The following SLC34A2 variants were observed in gnomAD, a reference collection of about 807,000 sequenced individuals.
SLC34A2 encodes solute carrier family 34 member 2.
A neutral mutation model predicts 50.8 loss-of-function variants in SLC34A2; 41 were observed. The ratio of observed to expected loss-of-function variants is 0.81; its 90% CI spans 0.63 to 1.05. The LOEUF is 1.05. Ranked by LOEUF, SLC34A2 falls within the 50% of genes least tolerant of loss-of-function variation. The pLI is 0.00. For missense variants in SLC34A2, 879 were observed against 876.7 expected, an observed-to-expected ratio of 1.00 and a Z score of -0.03; for synonymous variants, 401 against 364.2, an observed-to-expected ratio of 1.10 and a Z score of -1.15.
rs775671016 is a variant in SLC34A2 at position 25,667,975 on chromosome 4, C to T, written c.619C>T (p.Arg207Trp). 5.0e-6 allele frequency: 8 copies of T among 1,610,956 alleles called. No individual in the cohort carries two copies. Among genetic ancestry groups the T allele is most frequent in the East Asian group, 4.5e-5 (2 of 44,870 alleles). ...TGTTGCGCTCATGCAGGTGGGAGAT[C>T]GGAGTGAGTTCAGAAGGTAAGAGGC... Reference protein sequence around the residue: ...TIVALMQVGDRSEFRRAFAGA... With the variant: ...TIVALMQVGDWSEFRRAFAGA... The change falls in exon 6 of 13, where the codon CGG (arginine) becomes TGG (tryptophan). Residue 207 changes from arginine to tryptophan, a missense_variant. By Grantham distance (101) the Arg-to-Trp change is moderately radical (BLOSUM62 -3). Transcript: ENST00000382051.
In SLC34A2 at chr4:25,669,795, G is replaced by A; in HGVS notation, c.784G>A (p.Asp262Asn). 1 of 1,614,122 alleles carries A rather than the reference G, an allele frequency of 6.2e-7. No individual in the cohort carries two copies. Among genetic ancestry groups the A allele is most frequent in the Non-Finnish European group, 8.5e-7 (1 of 1,179,964 alleles). The part of the protein sequence containing the change: ...FHFKNGEDAP[D>N]LLKVITKPFT... ...CTTCAAGAATGGAGAAGATGCCCCA[G>A]ATCTTCTGAAAGTCATCACTAAGCC... Residue 262 changes from aspartate to asparagine, a missense_variant, in exon 7 of 13, where the codon GAT becomes AAT. Coordinates refer to ENST00000382051, the MANE Select transcript of SLC34A2 (RefSeq NM_006424.3).
rs1045107363 is a variant in SLC34A2 at position 25,666,159 on chromosome 4, C to A, written c.411C>A (p.Ser137Arg). Residue 137 changes from serine (S) to arginine (R), a missense_variant, in exon 5 of 13, where the codon AGC (serine) becomes AGA (arginine). Coordinates refer to ENST00000382051, the MANE Select transcript of SLC34A2 (RefSeq NM_006424.3). ...TGGCAGGACAGTTCTTCAGCAACAG[C>A]TCTATTATGTCCAACCCTTTGTTGG... ...GKMAGQFFSN[S>R]SIMSNPLLGL... The A allele has an allele frequency of 7.4e-5, 119 of 1,613,808 alleles. No homozygotes were observed. Among genetic ancestry groups the A allele is most frequent in the Non-Finnish European group, 9.5e-5 (112 of 1,180,036 alleles).
Position 25,666,212 on chromosome 4 carries a change from T to C in SLC34A2, c.464T>C (p.Val155Ala). 2 of 1,614,054 alleles carry C rather than the reference T, an allele frequency of 1.2e-6. No individual in the cohort carries two copies. The highest frequency in any genetic ancestry group is 1.7e-6 in the Non-Finnish European group (2 of 1,180,024). ...LGLVIGVLVT[V>A]LVQSSSTSTS... is the part of the protein sequence containing the mutation. ...CTGGTGATCGGGGTGCTGGTGACCGTCTTGGTGCAGAGCTCCAGCACCTCA... is the reference window on the plus strand; with the variant it reads ...CTGGTGATCGGGGTGCTGGTGACCGCCTTGGTGCAGAGCTCCAGCACCTCA... The change falls in exon 5 of 13, where the codon GTC becomes GCC. Residue 155 changes from valine (V) to alanine (A), a missense_variant. Transcript: ENST00000382051.
chr4:25,677,024 T>A lies in SLC34A2; in HGVS notation c.*275T>A. The A allele has an allele frequency of 2.0e-6, 1 of 505,892 alleles. No homozygotes were observed. 31.3% of individuals were successfully genotyped at this position (505,892 alleles called of 1,614,324 possible). A position where few individuals can be genotyped will look rare whatever the true frequency, so the allele number is the denominator to read the frequency against. ...TAGAGAATGAACCTGGCGGGACGGA[T>A]GTCTAATCCTGCGCCTAGCTGGGTT... On this transcript the variant is annotated 3_prime_UTR_variant, in exon 13 of 13. Transcript: ENST00000382051.
At chr4:25,666,297 C>T (rs1560237132) in intron 5 of SLC34A2, 26 bp downstream of exon 5, 1 of 1,612,620 alleles carries the variant, frequency 6.2e-7, no homozygotes, top group Non-Finnish European at 8.5e-7. Flanking sequence ...CATGAGCCCA[C>T]CTGCATTCCA....
chr4:25,663,301 G>T (rs1165467203), intron 3 of SLC34A2, among the ~76,000 whole-genome samples: 1 of 152,088 alleles, frequency 6.6e-6, no homozygotes, highest in African/African-American at 2.4e-5. Context: ...AGTAATTGGG[G>T]GTCATTCATT....
intron 7 of SLC34A2, 77 bp from the exon 8 acceptor site, chr4:25,670,661 C>G: frequency 1.8e-6 from 2 of 1,113,244 alleles, no homozygotes; most frequent in Non-Finnish European, 2.7e-6. Context: ...GAGCCCCTCT[C>G]ACTTCAACCC....
At chr4:25,667,354 A>G (rs1174322381) in intron 5 of SLC34A2, among the ~76,000 whole-genome samples, 2 of 152,154 alleles carry the variant, frequency 1.3e-5, no homozygotes, top group Non-Finnish European at 1.5e-5. Context: ...TCTACTAAAA[A>G]TACAAAAATT....
chr4:25,676,610 G>A lies in SLC34A2; in HGVS notation c.1934G>A (p.Cys645Tyr). 6.2e-7 allele frequency: 1 copy of A among 1,613,944 alleles called. No individual in the cohort carries two copies. The highest frequency in any genetic ancestry group is 2.2e-5 in the East Asian group (1 of 44,872). The change falls in exon 13 of 13, where the codon TGC becomes TAC. Residue 645 changes from cysteine (C) to tyrosine (Y), a missense_variant. By Grantham distance (194) the Cys-to-Tyr change is radical. Coordinates refer to ENST00000382051, the MANE Select transcript of SLC34A2 (RefSeq NM_006424.3). The part of the protein sequence containing the change: ...CPKCCRCSKC[C>Y]EDLEEAQEGQ... ...AAGTGCTGCCGCTGCAGCAAGTGCTGCGAGGACTTGGAGGAGGCGCAGGAG... is the reference window on the plus strand; with the variant it reads ...AAGTGCTGCCGCTGCAGCAAGTGCTACGAGGACTTGGAGGAGGCGCAGGAG...
In SLC34A2 at chr4:25,673,215, G is replaced by C. The variant is rs1204290211; in HGVS notation, c.1177G>C (p.Gly393Arg). The part of the protein sequence containing the change: ...IVKILGSVLK[G>R]QVATVIKKTI... ...CAAGATCCTGGGCTCTGTGCTCAAG[G>C]GGCAGGTCGCCACTGTCATCAAGAA... The change falls in exon 10 of 13, where the codon GGG becomes CGG. Residue 393 changes from glycine to arginine, a missense_variant. Gly to Arg is a moderately radical substitution (Grantham distance 125, BLOSUM62 -2). Transcript: ENST00000382051. The C allele has an allele frequency of 6.2e-7, 1 of 1,613,858 alleles. No homozygotes were observed. Among genetic ancestry groups the C allele is most frequent in the African/African-American group, 1.3e-5 (1 of 74,872 alleles).
intron 4 of SLC34A2, among the ~76,000 whole-genome samples, chr4:25,665,355 C>T (rs1421513304): frequency 5.9e-5 from 9 of 151,788 alleles, no homozygotes; most frequent in East Asian, 1.9e-4. Flanking sequence ...TTAGTAGAGA[C>T]GGGGTTTCTC....
intron 10 of SLC34A2, 145 bp downstream of exon 10, chr4:25,673,399 C>A (rs1714928705): frequency 8.0e-6 from 7 of 874,232 alleles, no homozygotes; most frequent in Non-Finnish European, 1.3e-5. Context: ...ATGTCATTCA[C>A]CTGGAAATGT....
rs1475778044 is a variant in SLC34A2 at position 25,676,221 on chromosome 4, C to T, written c.1545C>T (p.Ala515=). ...IPFTRLPIRM[A]KGLGNISAKY... is the part of the protein sequence containing the mutation. ...TCACTCGCCTGCCCATCCGCATGGCCAAGGGGCTGGGCAACATCTCTGCCA... is the reference window on the plus strand; with the variant it reads ...TCACTCGCCTGCCCATCCGCATGGCTAAGGGGCTGGGCAACATCTCTGCCA... Residue 515 remains alanine, a synonymous_variant, in exon 13 of 13, where the codon GCC becomes GCT. Coordinates refer to ENST00000382051, the MANE Select transcript of SLC34A2 (RefSeq NM_006424.3). The T allele has an allele frequency of 6.2e-7, 1 of 1,614,218 alleles. No homozygotes were observed. Among genetic ancestry groups the T allele is most frequent in the South Asian group, 1.1e-5 (1 of 91,082 alleles).
At chr4:25,671,477 CT>C in intron 8 of SLC34A2, 123 bp from the exon 9 acceptor site, 1 of 1,125,662 alleles carries the variant, frequency 8.9e-7, no homozygotes, top group Non-Finnish European at 1.4e-6. Flanking sequence ...AAGAACTGTT[CT>C]GTTGGGGCCA....
rs567181902 is a variant in SLC34A2 at position 25,659,878 on chromosome 4, C to T, written c.-3-2620C>T. Among the ~76,000 whole-genome samples, 4 of 152,298 alleles carry T rather than the reference C, an allele frequency of 2.6e-5. No homozygotes were observed. The South Asian group carries it at 8.3e-4, about 32-fold the overall frequency. On this transcript the variant is annotated intron_variant, in intron 1 of 12. Coordinates refer to ENST00000382051, the MANE Select transcript of SLC34A2 (RefSeq NM_006424.3). ...AAAATCACCCACAGTCTCACCACTC[C>T]CTTTTACCTCCAGAGAACATTTCTG...
Position 25,666,676 on chromosome 4 carries a change from GAGA to G in SLC34A2, c.523+408_523+410del, listed in dbSNP as rs535911350. 3.0e-4 allele frequency among the ~76,000 whole-genome samples: 46 copies of G among 152,306 alleles called. 2 individuals carry two copies. The highest frequency in any genetic ancestry group is 1.0e-3 in the African/African-American group (43 of 41,572). ...GTGGCTGGCTGGCAGCTACCCTATT[GAGA>G]AGTAGAGACATAGAACATTTCCTTC... On this transcript the variant is annotated intron_variant, in intron 5 of 12. Transcript: ENST00000382051.
intron 1 of SLC34A2, among the ~76,000 whole-genome samples, chr4:25,658,482 G>T (rs373778216): frequency 6.6e-6 from 1 of 152,186 alleles, no homozygotes; most frequent in African/African-American, 2.4e-5. Flanking sequence ...CAAACAATGC[G>T]AATGTAGGGG....
In SLC34A2 at chr4:25,677,932, C is replaced by G. The variant is rs1297345749; in HGVS notation, c.*1183C>G. 1 of 152,258 alleles carries G rather than the reference C, an allele frequency of 6.6e-6. No individual in the cohort carries two copies. Among genetic ancestry groups the G allele is most frequent in the Non-Finnish European group, 1.5e-5 (1 of 68,066 alleles). 9.4% of individuals were successfully genotyped at this position (152,258 alleles called of 1,614,324 possible). ...GATTTTTGGGGAAAGCTGTACCCAACTGGACTGCCCAGTGAACTGGGATCA... is the reference window on the plus strand; with the variant it reads ...GATTTTTGGGGAAAGCTGTACCCAAGTGGACTGCCCAGTGAACTGGGATCA... On this transcript the variant is annotated 3_prime_UTR_variant, in exon 13 of 13. Transcript: ENST00000382051.
At chr4:25,662,045 T>C (rs921023335) in intron 1 of SLC34A2, among the ~76,000 whole-genome samples, 2 of 152,066 alleles carry the variant, frequency 1.3e-5, no homozygotes, top group African/African-American at 4.8e-5. Flanking sequence ...CTAATTTTTA[T>C]ATTTTTAGTA....
Sources: allele counts gnomAD v4.1 joint callset (sites outside exome capture counted in the v4.1 genomes callset), GRCh38; gene constraint gnomAD v4.1.1; transcripts MANE v1.5; gene names NCBI Gene and HGNC (gene_info 2026-07-23, HGNC 2026-07-21).